TNPO3: variants seen among roughly 807,000 people sequenced by gnomAD.
TNPO3 encodes transportin-3.
Under a neutral mutation model 122.8 loss-of-function variants are expected in TNPO3, and 65 were observed. The ratio of observed to expected loss-of-function variants is 0.53; its 90% CI spans 0.43 to 0.65. The LOEUF is 0.65. Among genes scored for constraint, TNPO3 ranks in the 30% least tolerant of loss-of-function variants. The pLI is 0.00. For synonymous variants in TNPO3, 372 were observed against 411.2 expected, an observed-to-expected ratio of 0.90 and a Z score of 1.15; for missense variants, 850 against 1,136.7, an observed-to-expected ratio of 0.75 and a Z score of 3.63.
intron 18 of TNPO3, among the ~76,000 whole-genome samples, chr7:128,973,366 A>G (rs1798681511): frequency 6.6e-6 from 1 of 152,202 alleles, no homozygotes; most frequent in Admixed American, 6.5e-5. Context: ...AAGGTACAGT[A>G]TACTCCAAAC....
chr7:129,008,240 C>T (rs145784431), intron 4 of TNPO3, among the ~76,000 whole-genome samples: 11 of 149,660 alleles, frequency 7.3e-5, no homozygotes, highest in African/African-American at 2.7e-4. Flanking sequence ...TCAGAGCCTG[C>T]GTGCAGTGGC....
At position 129,014,958 on chromosome 7, in the gene TNPO3, T is replaced by G. The variant is rs536913404; in HGVS notation, c.552+21A>C. On this transcript the variant is annotated intron_variant, in intron 4 of 22. Transcript: ENST00000265388. Reference sequence around the variant, plus strand: ...GGCTTTCTGCCTTTATGCAGCAACTTAGTATTTCAAACTTACTCACCAATA... The same window carrying G: ...GGCTTTCTGCCTTTATGCAGCAACTGAGTATTTCAAACTTACTCACCAATA... The G allele has an allele frequency of 2.1e-5, 32 of 1,550,588 alleles. No homozygotes were observed. The South Asian group carries it at 3.7e-4, about 18-fold the overall frequency.
intron 21 of TNPO3, among the ~76,000 whole-genome samples, chr7:128,957,707 A>G (rs1405774762): frequency 6.6e-6 from 1 of 152,228 alleles, no homozygotes; most frequent in Non-Finnish European, 1.5e-5. Flanking sequence ...AGTGAACAAA[A>G]TAGTATTCAA....
chr7:128,980,074 T>A, intron 14 of TNPO3, 43 bp from the exon 15 acceptor site: 1 of 1,560,326 alleles, frequency 6.4e-7, no homozygotes, highest in South Asian at 1.1e-5. Flanking sequence ...AAAGACCAAT[T>A]TCACTGAGGA....
intron 1 of TNPO3, among the ~76,000 whole-genome samples, chr7:129,026,827 C>G (rs1435425382): frequency 1.3e-5 from 2 of 152,210 alleles, no homozygotes; most frequent in Non-Finnish European, 2.9e-5. Context: ...GGGCCTCTCT[C>G]TGTCACTCAG....
At chr7:128,977,079 A>G (rs1432602174) in intron 16 of TNPO3, among the ~76,000 whole-genome samples, 1 of 152,220 alleles carries the variant, frequency 6.6e-6, no homozygotes, top group African/African-American at 2.4e-5. Flanking sequence ...TAAAAAAAAC[A>G]CAAAAACAAA....
At chr7:128,981,479 G>C (rs1160479443) in intron 14 of TNPO3, among the ~76,000 whole-genome samples, 1 of 152,086 alleles carries the variant, frequency 6.6e-6, no homozygotes. Flanking sequence ...TATATACAGC[G>C]ATGGTTCTGA....
At chr7:129,035,180 A>C (rs1366062369) in intron 1 of TNPO3, among the ~76,000 whole-genome samples, 2 of 151,340 alleles carry the variant, frequency 1.3e-5, no homozygotes, top group East Asian at 1.9e-4. Context: ...AGGCTGAGGC[A>C]GGAGAATGGC....
intron 4 of TNPO3, among the ~76,000 whole-genome samples, chr7:129,010,251 T>G (rs1474442853): frequency 3.9e-5 from 6 of 152,172 alleles, no homozygotes; most frequent in Non-Finnish European, 8.8e-5. Context: ...ACTGCCACCT[T>G]GAACTCCTGG....
At position 129,018,028 on chromosome 7, in the gene TNPO3, C is replaced by T. The variant is rs766350344; in HGVS notation, c.250G>A (p.Ala84Thr). Residue 84 changes from alanine to threonine, a missense_variant, in exon 2 of 23, where the codon GCC becomes ACC. Ala to Thr is a moderately conservative substitution (Grantham distance 58, BLOSUM62 0). Transcript: ENST00000265388. ...SFYELPTDSH[A>T]SLRDSLLTHI... is the part of the protein sequence containing the mutation. Reference sequence around the variant, plus strand: ...GTTAGCAATGAGTCCCGTAAAGAGGCATGAGAGTCTGTGGGGAGCTCATAA... The same window carrying T: ...GTTAGCAATGAGTCCCGTAAAGAGGTATGAGAGTCTGTGGGGAGCTCATAA... 1.2e-6 allele frequency: 2 copies of T among 1,614,138 alleles called. No individual in the cohort carries two copies. Among genetic ancestry groups the T allele is most frequent in the East Asian group, 4.5e-5 (2 of 44,874 alleles).
chr7:128,996,940 T>C (rs113390042), intron 8 of TNPO3, among the ~76,000 whole-genome samples: 3 of 152,246 alleles, frequency 2.0e-5, no homozygotes, highest in South Asian at 4.1e-4. Context: ...ACATTTTGTA[T>C]ATAAAATAGC....
At chr7:128,975,997 G>T in intron 16 of TNPO3, 62 bp from the exon 17 acceptor site, 1 of 1,151,524 alleles carries the variant, frequency 8.7e-7, no homozygotes, top group Non-Finnish European at 1.3e-6. Flanking sequence ...AACTTACGAA[G>T]CTGTCTCCAG....
At chr7:128,958,508 C>A (rs1333059561) in intron 21 of TNPO3, among the ~76,000 whole-genome samples, 14 of 152,122 alleles carry the variant, frequency 9.2e-5, no homozygotes, top group Admixed American at 9.2e-4. Context: ...ACTCAGATAC[C>A]AGTGCCTACA....
At position 129,054,636 on chromosome 7, in the gene TNPO3, C is replaced by G. The variant is rs1396191256; in HGVS notation, c.120+15G>C. On this transcript the variant is annotated intron_variant, in intron 1 of 22. Transcript: ENST00000265388. ...CCGGCCGTGCGGCACAGAACTGCCT[C>G]TCTGGGCCCCTCACCGAACGCTGCA... 1 of 1,613,106 alleles carries G rather than the reference C, an allele frequency of 6.2e-7. No individual in the cohort carries two copies. Among genetic ancestry groups the G allele is most frequent in the Non-Finnish European group, 8.5e-7 (1 of 1,179,982 alleles).
intron 1 of TNPO3, among the ~76,000 whole-genome samples, chr7:129,032,885 A>G (rs982480163): frequency 6.6e-6 from 1 of 152,210 alleles, no homozygotes; most frequent in African/African-American, 2.4e-5. Context: ...GACCCCAAAT[A>G]GCCAAAACAA....
chr7:128,957,674 C>T (rs987301401), intron 21 of TNPO3, among the ~76,000 whole-genome samples: 1 of 152,202 alleles, frequency 6.6e-6, no homozygotes, highest in African/African-American at 2.4e-5. Flanking sequence ...CGTCCACATA[C>T]AGAGTGCTTA....
At chr7:128,996,540 G>C (rs553003177) in intron 8 of TNPO3, among the ~76,000 whole-genome samples, 1 of 151,718 alleles carries the variant, frequency 6.6e-6, no homozygotes, top group South Asian at 2.1e-4. Context: ...TCAGGAGATC[G>C]AGACCATCCT....
intron 4 of TNPO3, among the ~76,000 whole-genome samples, chr7:129,013,403 A>C (rs901015966): frequency 2.2e-4 from 34 of 151,978 alleles, no homozygotes; most frequent in African/African-American, 7.7e-4. Flanking sequence ...AGAGATTAGT[A>C]ACCACAATAT....
intron 17 of TNPO3, among the ~76,000 whole-genome samples, chr7:128,975,468 A>C (rs1028662760): frequency 6.6e-6 from 1 of 152,204 alleles, no homozygotes; most frequent in African/African-American, 2.4e-5. Flanking sequence ...GCTGCTAAGT[A>C]AACTAGTCAG....
Sources: allele counts gnomAD v4.1 joint callset (sites outside exome capture counted in the v4.1 genomes callset), GRCh38; gene constraint gnomAD v4.1.1; transcripts MANE v1.5; gene names NCBI Gene and HGNC (gene_info 2026-07-23, HGNC 2026-07-21).